MCPH1: variants seen among roughly 807,000 people sequenced by gnomAD.
The protein encoded by MCPH1 is microcephalin.
In MCPH1, 104 loss-of-function variants were observed where a neutral mutation model predicts 84.5. That is an observed-to-expected ratio of 1.23 (90% CI 1.05 to 1.45). MCPH1 has a LOEUF of 1.45. Ranked by LOEUF, MCPH1 falls within the 40% of genes most tolerant of loss-of-function variation. The pLI is 0.00. For missense variants in MCPH1, 1,498 were observed against 1,005.7 expected (o/e 1.49, Z -6.62); for synonymous variants, 514 against 366.8 (o/e 1.40, Z -4.58).
At chr8:6,488,172 C>T (rs913321394) in intron 11 of MCPH1, among the ~76,000 whole-genome samples, 7 of 152,202 alleles carry the variant, frequency 4.6e-5, no homozygotes, top group African/African-American at 1.2e-4. Context: ...GGCCTCTGGC[C>T]GCTGGGAGCA....
intron 12 of MCPH1, chr8:6,513,575 T>C (rs3020217): frequency 0.32 from 258,450 of 795,818 alleles, 44,059 homozygotes; most frequent in Middle Eastern, 0.43. Flanking sequence ...CCTCGTGATC[T>C]GCCCACCTCG....
At chr8:6,406,841 CCCCG>C in intron 1 of MCPH1, 152 bp downstream of exon 1, 2 of 44,694 alleles carry the variant, frequency 4.5e-5, no homozygotes, top group Non-Finnish European at 1.1e-4. Context: ...CTCCTTCCTC[CCCCG>C]CTGCCTGTCC....
chr8:6,563,018 G>T, intron 12 of MCPH1: 1 of 1,427,520 alleles, frequency 7.0e-7, no homozygotes, highest in South Asian at 1.4e-5. Context: ...CGTCTAAAAC[G>T]CAGGGCTGCT....
At chr8:6,545,600 C>T (rs1822443990) in intron 12 of MCPH1, among the ~76,000 whole-genome samples, 1 of 152,210 alleles carries the variant, frequency 6.6e-6, no homozygotes, top group Admixed American at 6.5e-5. Context: ...CGTAATCTGA[C>T]ATTCCAAAAC....
rs1334415324 is a variant in MCPH1, at chr8:6,499,798, T to TG, written c.2137-53dup. 5 of 1,517,720 alleles carry TG rather than the reference T, an allele frequency of 3.3e-6. No individual in the cohort carries two copies. In the African/African-American group the frequency reaches 6.9e-5, roughly 21 times the overall value. The allele number at this position is 1,517,720 out of a possible 1,614,324, so 94.0% of individuals were successfully genotyped here. A position where few individuals can be genotyped will look rare whatever the true frequency, so the allele number is the denominator to read the frequency against. On this transcript the variant is annotated intron_variant, in intron 11 of 13. Transcript: ENST00000344683. ...GTCTTCAAAGTGATTCTTGGTTTAT[T>TG]GCCTGCTAAGGCTAATAAATGTATA...
At chr8:6,598,635 C>T (rs566565928) in intron 12 of MCPH1, among the ~76,000 whole-genome samples, 203 of 152,348 alleles carry the variant, frequency 1.3e-3, no homozygotes, top group Non-Finnish European at 2.2e-3. Flanking sequence ...CCAAGCGACC[C>T]CAATGTTTGC....
At chr8:6,495,715 G>A (rs982293374) in intron 11 of MCPH1, among the ~76,000 whole-genome samples, 1 of 152,192 alleles carries the variant, frequency 6.6e-6, no homozygotes, top group Admixed American at 6.5e-5. Flanking sequence ...GTGGAGTGAA[G>A]GGTGGATGGA....
Position 6,631,300 on chromosome 8 carries a change from G to A in MCPH1, c.2452+9609G>A, listed in dbSNP as rs547747227. On this transcript the variant is annotated intron_variant, in intron 13 of 13. Coordinates refer to ENST00000344683, the MANE Select transcript of MCPH1 (RefSeq NM_024596.5). ...GGGCACAGCTCATGAAAGCCACAGA[G>A]AGGCAATTAAGGTAAAAATAGATAA... is the stretch of plus-strand genomic sequence containing the variant. Among the ~76,000 whole-genome samples, 3 of 152,334 alleles carry A rather than the reference G, an allele frequency of 2.0e-5. No homozygotes were observed. The East Asian group carries it at 5.8e-4, about 29-fold the overall frequency.
At chr8:6,526,879 C>A (rs1431637985) in intron 12 of MCPH1, among the ~76,000 whole-genome samples, 5 of 152,104 alleles carry the variant, frequency 3.3e-5, no homozygotes, top group Admixed American at 2.6e-4. Context: ...CTATCCCCTA[C>A]AATTTTTTTT....
intron 9 of MCPH1, among the ~76,000 whole-genome samples, chr8:6,466,972 T>C (rs551750222): frequency 6.6e-6 from 1 of 152,238 alleles, no homozygotes; most frequent in East Asian, 1.9e-4. Context: ...GGAATATAAA[T>C]TATTTGATAT....
In MCPH1 at chr8:6,614,058, G is replaced by A. The variant is rs1368658039; in HGVS notation, c.2215-7396G>A. Among the ~76,000 whole-genome samples the A allele has an allele frequency of 3.3e-5, 5 of 152,122 alleles. No individual in the cohort carries two copies. In the South Asian group the frequency reaches 6.2e-4, roughly 19 times the overall value. ...CTGGTGCCAAAGACCAGTTAATGCC[G>A]ACTTTGATGGGCTCAGTGCAGGCCA... On this transcript the variant is annotated intron_variant, in intron 12 of 13. Coordinates refer to ENST00000344683, the MANE Select transcript of MCPH1 (RefSeq NM_024596.5).
chr8:6,630,314 C>G (rs890607174), intron 13 of MCPH1, among the ~76,000 whole-genome samples: 1 of 152,140 alleles, frequency 6.6e-6, no homozygotes, highest in Non-Finnish European at 1.5e-5. Context: ...TTGGAGCTGT[C>G]ACTGCAGTTA....
At chr8:6,419,179 ACACACACACG>A (rs761290190) in intron 3 of MCPH1, among the ~76,000 whole-genome samples, 420 of 31,182 alleles carry the variant, frequency 0.013, 2 homozygotes, top group Non-Finnish European at 0.025. Flanking sequence ...ACACACACAC[ACACACACACG>A]CATTTTTACC....
intron 12 of MCPH1, among the ~76,000 whole-genome samples, chr8:6,594,092 G>T (rs1179479342): frequency 6.6e-6 from 1 of 152,202 alleles, no homozygotes; most frequent in Non-Finnish European, 1.5e-5. Flanking sequence ...GGCTGTCCAG[G>T]CAAGGCTGCT....
At chr8:6,557,868 C>A (rs1011459902) in intron 12 of MCPH1, among the ~76,000 whole-genome samples, 1 of 152,130 alleles carries the variant, frequency 6.6e-6, no homozygotes, top group African/African-American at 2.4e-5. Flanking sequence ...CTCAGGAAAT[C>A]CACAAAGCTG....
chr8:6,636,335 CA>C (rs56881618), intron 13 of MCPH1, among the ~76,000 whole-genome samples: 2,085 of 103,000 alleles, frequency 0.02, 16 homozygotes, highest in African/African-American at 0.027. Flanking sequence ...GAGACTGTCT[CA>C]AAAAAAAAAA....
chr8:6,503,353 C>G lies in MCPH1; in HGVS notation c.2214+3424C>G. 4 of 1,373,726 alleles carry G rather than the reference C, an allele frequency of 2.9e-6. No individual in the cohort carries two copies. The South Asian group carries it at 5.1e-5, about 17-fold the overall frequency. The allele number at this position is 1,373,726 out of a possible 1,614,324, so 85.1% of individuals were successfully genotyped here. Reference sequence around the variant, plus strand: ...ATACTCAGCTAAGGCAGGAGGCACACTGCAGGCGTGTGGAGTAGGCACATG... The same window carrying G: ...ATACTCAGCTAAGGCAGGAGGCACAGTGCAGGCGTGTGGAGTAGGCACATG... On this transcript the variant is annotated intron_variant, in intron 12 of 13. Coordinates refer to ENST00000344683, the MANE Select transcript of MCPH1 (RefSeq NM_024596.5).
chr8:6,528,229 G>T (rs924561619), intron 12 of MCPH1, among the ~76,000 whole-genome samples: 2 of 152,272 alleles, frequency 1.3e-5, no homozygotes, highest in Admixed American at 1.3e-4. Flanking sequence ...GTGGTTAGTA[G>T]TTCTGGACAA....
chr8:6,553,466 T>C (rs2959762), intron 12 of MCPH1, among the ~76,000 whole-genome samples: 3,431 of 152,196 alleles, frequency 0.023, 134 homozygotes, highest in African/African-American at 0.074. Context: ...CTAATGGTAA[T>C]TGCGTCGGCT....
Sources: gnomAD v4.1 joint callset for allele counts (sites outside exome capture counted in the v4.1 genomes callset) on GRCh38, gnomAD v4.1.1 for gene constraint, MANE v1.5 for transcripts, NCBI Gene and HGNC (gene_info 2026-07-23, HGNC 2026-07-21) for gene names.